ILDR1: variants seen among roughly 807,000 people sequenced by gnomAD.
ILDR1 encodes the protein immunoglobulin-like domain-containing receptor 1.
ILDR1 carries 56 observed loss-of-function variants against 62.4 expected under a neutral mutation model. The ratio of observed to expected loss-of-function variants is 0.90; its 90% CI spans 0.72 to 1.12. The LOEUF is 1.12. ILDR1 is among the 50% of genes most tolerant of loss of function. The pLI is 0.00. For synonymous variants in ILDR1, 284 were observed against 277.8 expected (o/e 1.02, Z -0.22); for missense variants, 736 against 710.6 (o/e 1.04, Z -0.41).
chr3:122,023,364 C>T (rs1204572733), upstream of ILDR1, among the ~76,000 whole-genome samples: 1 of 152,044 alleles, frequency 6.6e-6, no homozygotes, highest in Non-Finnish European at 1.5e-5. Flanking sequence ...TCTCCTTCCA[C>T]GGCAGGAAGC....
At position 122,022,178 on chromosome 3, in the gene ILDR1, C is replaced by T. The variant is rs924389101; in HGVS notation, c.-101G>A. On this transcript the variant is annotated 5_prime_UTR_variant, in exon 1 of 8. Transcript: ENST00000344209. ...GACGCACCACCTTCTCCAAGGAACC[C>T]CTCGGGTTTCCCCTCCCTCGGCGCA... The T allele has an allele frequency of 1.2e-5, 13 of 1,047,638 alleles. No homozygotes were observed. In the African/African-American group the frequency reaches 2.1e-4, roughly 17 times the overall value. The allele number at this position is 1,047,638 out of a possible 1,614,324, so 64.9% of individuals were successfully genotyped here. A position where few individuals can be genotyped will look rare whatever the true frequency, so the allele number is the denominator to read the frequency against.
At chr3:121,989,626 A>G (rs532711042) in intron 7 of ILDR1, among the ~76,000 whole-genome samples, 4 of 152,330 alleles carry the variant, frequency 2.6e-5, no homozygotes, top group Admixed American at 2.6e-4. Context: ...GTACTCACTG[A>G]AGGTAAAAGC....
At chr3:121,992,746 T>C (rs1169954970) in intron 7 of ILDR1, among the ~76,000 whole-genome samples, 1 of 152,132 alleles carries the variant, frequency 6.6e-6, no homozygotes, top group Admixed American at 6.5e-5. Context: ...TGGAAATGGG[T>C]TGCTAAGTAA....
At chr3:122,059,265 T>C in the ILDR1 span, among the ~76,000 whole-genome samples, 3 of 151,838 alleles carry the variant, frequency 2.0e-5, no homozygotes, top group Non-Finnish European at 4.4e-5. Flanking sequence ...GGTTGGAGGA[T>C]TGAGAGGAAG....
Position 122,015,599 on chromosome 3 carries a change from GC to G in ILDR1, c.58+6420del, listed in dbSNP as rs1253253866. ...CCTTCACTGGGCAATCATTTCTCCT[GC>G]CACCATGTGAAGAAGGACATGTTTG... On this transcript the variant is annotated intron_variant, in intron 1 of 7. Transcript: ENST00000344209. Among the ~76,000 whole-genome samples the G allele has an allele frequency of 5.9e-5, 9 of 152,138 alleles. No individual in the cohort carries two copies. In the East Asian group the frequency reaches 1.7e-3, roughly 29 times the overall value.
the ILDR1 span, among the ~76,000 whole-genome samples, chr3:122,047,525 C>G: frequency 5.9e-5 from 9 of 152,220 alleles, no homozygotes; most frequent in South Asian, 4.1e-4. Context: ...TCGCTGCCGC[C>G]TTGCATTTGA....
the ILDR1 span, among the ~76,000 whole-genome samples, chr3:122,048,071 T>G: frequency 1.3e-5 from 2 of 152,236 alleles, no homozygotes; most frequent in Non-Finnish European, 2.9e-5. Context: ...TTAAGTGTGA[T>G]GCTAGCAGTG....
chr3:121,991,934 G>A (rs1209271963), intron 7 of ILDR1, among the ~76,000 whole-genome samples: 1 of 152,172 alleles, frequency 6.6e-6, no homozygotes, highest in Non-Finnish European at 1.5e-5. Context: ...TCTGCTCCGG[G>A]AACTTATTTC....
At chr3:122,047,099 T>G in the ILDR1 span, among the ~76,000 whole-genome samples, 1 of 146,960 alleles carries the variant, frequency 6.8e-6, no homozygotes, top group Non-Finnish European at 1.5e-5. Context: ...GGGTTTTCGG[T>G]GTGGATGTCC....
At chr3:121,997,532 C>T (rs2071454243) in intron 5 of ILDR1, among the ~76,000 whole-genome samples, 1 of 152,212 alleles carries the variant, frequency 6.6e-6, no homozygotes, top group African/African-American at 2.4e-5. Context: ...CTGATGACTT[C>T]ATCTCTATTG....
chr3:122,009,199 G>A (rs886151530), intron 1 of ILDR1, among the ~76,000 whole-genome samples: 2 of 152,020 alleles, frequency 1.3e-5, no homozygotes, highest in South Asian at 4.1e-4. Context: ...CCAAAGTGCT[G>A]GGGTTATAGG....
At position 122,001,500 on chromosome 3, in the gene ILDR1, G is replaced by C. The variant is rs1290539298; in HGVS notation, c.500-46C>G. 3.1e-6 allele frequency: 5 copies of C among 1,602,590 alleles called. No homozygotes were observed. The South Asian group carries it at 4.4e-5, about 14-fold the overall frequency. On this transcript the variant is annotated intron_variant, in intron 4 of 7. Coordinates refer to ENST00000344209, the MANE Select transcript of ILDR1 (RefSeq NM_001199799.2). Reference sequence around the variant, plus strand: ...AGGGGTTGAACTAAATATTCAGGGGGAGGGAATACTTCCAGTTCTGATATC... The same window carrying C: ...AGGGGTTGAACTAAATATTCAGGGGCAGGGAATACTTCCAGTTCTGATATC...
intron 1 of ILDR1, among the ~76,000 whole-genome samples, chr3:122,015,803 T>C (rs940446407): frequency 6.6e-6 from 1 of 152,134 alleles, no homozygotes; most frequent in African/African-American, 2.4e-5. Flanking sequence ...CGCCGAAATA[T>C]TTCCAGAATC....
intron 5 of ILDR1, among the ~76,000 whole-genome samples, chr3:121,994,848 C>A (rs949952325): frequency 2.0e-5 from 3 of 152,148 alleles, no homozygotes; most frequent in Non-Finnish European, 4.4e-5. Flanking sequence ...AGCTGGCATG[C>A]CAACCCTGGG....
chr3:122,021,120 T>C (rs1473146885), intron 1 of ILDR1, among the ~76,000 whole-genome samples: 1 of 152,188 alleles, frequency 6.6e-6, no homozygotes, highest in African/African-American at 2.4e-5. Flanking sequence ...TAAGTTGACC[T>C]TCCACTGACA....
chr3:122,056,523 C>A, the ILDR1 span, among the ~76,000 whole-genome samples: 3 of 152,038 alleles, frequency 2.0e-5, no homozygotes, highest in African/African-American at 7.2e-5. Flanking sequence ...TTGGTAGAGA[C>A]GGGGTCCACC....
the ILDR1 span, among the ~76,000 whole-genome samples, chr3:122,049,970 G>T: frequency 2.0e-5 from 3 of 152,176 alleles, no homozygotes; most frequent in African/African-American, 4.8e-5. Flanking sequence ...AATCTCCATA[G>T]CTGTAAGAAA....
chr3:121,992,915 C>T (rs919728123), intron 7 of ILDR1, among the ~76,000 whole-genome samples: 1 of 152,228 alleles, frequency 6.6e-6, no homozygotes, highest in Admixed American at 6.5e-5. Flanking sequence ...ACAGCCGAAG[C>T]GACGGTGAGA....
chr3:122,001,543 A>G, intron 4 of ILDR1, 89 bp from the exon 5 acceptor site: 1 of 1,524,816 alleles, frequency 6.6e-7, no homozygotes. Flanking sequence ...TCTCATAAAC[A>G]CAGCTCTTGA....
Sources: allele counts gnomAD v4.1 joint callset (sites outside exome capture counted in the v4.1 genomes callset), GRCh38; gene constraint gnomAD v4.1.1; transcripts MANE v1.5; gene names NCBI Gene and HGNC (gene_info 2026-07-23, HGNC 2026-07-21).